Variants in BANP observed in about 807,000 individuals in gnomAD.
BANP encodes the protein protein BANP.
A neutral mutation model predicts 68.1 loss-of-function variants in BANP; 11 were observed. That is an observed-to-expected ratio of 0.16 (90% CI 0.10 to 0.27). The LOEUF (loss-of-function observed/expected upper bound fraction) is 0.27. Ranked by LOEUF, BANP falls within the 10% of genes least tolerant of loss-of-function variation. The pLI is 1.00. For missense variants in BANP, 504 were observed against 722.7 expected, an observed-to-expected ratio of 0.70 and a Z score of 3.47; for synonymous variants, 329 against 303.2, an observed-to-expected ratio of 1.09 and a Z score of -0.88.
intron 2 of BANP, chr16:87,978,779 C>A: frequency 2.5e-6 from 1 of 401,790 alleles, no homozygotes. Context: ...TCAGCCTTAA[C>A]ACGCTAAGTG....
chr16:88,041,540 T>A (rs1244774498), intron 11 of BANP, among the ~76,000 whole-genome samples: 2 of 152,246 alleles, frequency 1.3e-5, no homozygotes, highest in Non-Finnish European at 1.5e-5. Context: ...CAGTTTCATG[T>A]CCATAGCAGC....
At chr16:88,025,197 C>A (rs2076751460) in intron 7 of BANP, among the ~76,000 whole-genome samples, 1 of 152,178 alleles carries the variant, frequency 6.6e-6, no homozygotes. Context: ...TAGCTGGGCT[C>A]TCATGAAACT....
intron 12 of BANP, among the ~76,000 whole-genome samples, chr16:88,070,273 C>A (rs2089973997): frequency 6.6e-6 from 1 of 152,118 alleles, no homozygotes; most frequent in Non-Finnish European, 1.5e-5. Flanking sequence ...GCCTCTAACC[C>A]TTGTGGTGTT....
intron 12 of BANP, among the ~76,000 whole-genome samples, chr16:88,065,776 A>G (rs2088374440): frequency 6.6e-6 from 1 of 152,114 alleles, no homozygotes; most frequent in Admixed American, 6.5e-5. Context: ...TGGTGGCAGG[A>G]CCAGGTTGCA....
At chr16:88,069,896 C>T (rs1003863467) in intron 12 of BANP, among the ~76,000 whole-genome samples, 3 of 152,062 alleles carry the variant, frequency 2.0e-5, no homozygotes, top group African/African-American at 7.2e-5. Flanking sequence ...CCTCTTCCAC[C>T]TCCTCTGTCT....
intron 1 of BANP, among the ~76,000 whole-genome samples, chr16:87,970,450 C>G (rs903918657): frequency 6.6e-6 from 1 of 152,056 alleles, no homozygotes; most frequent in Admixed American, 6.6e-5. Context: ...GATGACTGTT[C>G]TTTTGTTAGA....
intron 4 of BANP, among the ~76,000 whole-genome samples, chr16:87,999,166 A>G (rs1214268668): frequency 2.1e-5 from 3 of 139,880 alleles, no homozygotes; most frequent in Non-Finnish European, 4.6e-5. Context: ...CTGTCCTTCC[A>G]GACACATCTC....
At chr16:88,031,276 C>G (rs1426812243) in intron 8 of BANP, among the ~76,000 whole-genome samples, 1 of 152,218 alleles carries the variant, frequency 6.6e-6, no homozygotes, top group Admixed American at 6.5e-5. Flanking sequence ...TGTTGAATCT[C>G]CTTTGAATCT....
intron 4 of BANP, among the ~76,000 whole-genome samples, chr16:87,994,102 G>A (rs1186025543): frequency 2.0e-5 from 3 of 149,460 alleles, no homozygotes; most frequent in African/African-American, 2.6e-5. Context: ...GATGCGGAGC[G>A]CGGCGGTGTG....
At chr16:87,990,508 A>G (rs1598182469) in intron 4 of BANP, among the ~76,000 whole-genome samples, 2 of 152,198 alleles carry the variant, frequency 1.3e-5, no homozygotes, top group South Asian at 4.1e-4. Flanking sequence ...TGGCCAGGGT[A>G]AACCAGTTTT....
intron 8 of BANP, among the ~76,000 whole-genome samples, chr16:88,027,987 C>G (rs2077339552): frequency 6.6e-6 from 1 of 152,214 alleles, no homozygotes; most frequent in Non-Finnish European, 1.5e-5. Flanking sequence ...CCGGGTGACT[C>G]CGGGTGAAGA....
At chr16:87,965,036 G>C (rs182957830) in intron 1 of BANP, among the ~76,000 whole-genome samples, 1 of 152,200 alleles carries the variant, frequency 6.6e-6, no homozygotes, top group Non-Finnish European at 1.5e-5. Flanking sequence ...TTGGCGTGGA[G>C]ATGTATCTGA....
intron 7 of BANP, among the ~76,000 whole-genome samples, chr16:88,025,082 T>C (rs2076733054): frequency 6.6e-6 from 1 of 152,224 alleles, no homozygotes; most frequent in Non-Finnish European, 1.5e-5. Flanking sequence ...AGGATGTTTC[T>C]TTTTATCGAC....
chr16:88,056,920 G>A (rs779177398), intron 11 of BANP, among the ~76,000 whole-genome samples: 5 of 152,176 alleles, frequency 3.3e-5, no homozygotes, highest in Non-Finnish European at 5.9e-5. Flanking sequence ...TCTTGTTTGA[G>A]CCATTTAAAA....
Position 88,064,426 on chromosome 16 carries a change from A to T in BANP, c.1312-841A>T, listed in dbSNP as rs1167299512. On this transcript the variant is annotated intron_variant, in intron 11 of 13. Transcript: ENST00000682872. The surrounding 1 kb of genome is among the most constrained non-coding windows in gnomAD (Gnocchi z 4.5). ...AGAGTGGCTTTTATTTGGAGGACAG[A>T]TGTGCGCATTCACTTAGGGTCCAAG... is the stretch of plus-strand genomic sequence containing the variant. Among the ~76,000 whole-genome samples the T allele has an allele frequency of 4.6e-5, 7 of 152,196 alleles. No individual in the cohort carries two copies. Among genetic ancestry groups the T allele is most frequent in the Non-Finnish European group, 8.8e-5 (6 of 68,028 alleles).
chr16:87,962,037 C>T (rs1235797714), intron 1 of BANP, among the ~76,000 whole-genome samples: 1 of 151,956 alleles, frequency 6.6e-6, no homozygotes, highest in Non-Finnish European at 1.5e-5. Context: ...ATCTGGAGTT[C>T]AAGACCAGCC....
intron 8 of BANP, among the ~76,000 whole-genome samples, chr16:88,029,576 A>G (rs575357470): frequency 2.0e-5 from 3 of 148,186 alleles, no homozygotes; most frequent in East Asian, 2.0e-4. Context: ...ACACCACTGC[A>G]CTCCAGCCTG....
chr16:87,988,517 G>C (rs1354476654), intron 4 of BANP, among the ~76,000 whole-genome samples: 1 of 151,886 alleles, frequency 6.6e-6, no homozygotes, highest in South Asian at 2.1e-4. Flanking sequence ...CACCCGCCTC[G>C]GCCTCCCAAA....
intron 11 of BANP, among the ~76,000 whole-genome samples, chr16:88,040,044 C>A (rs893453064): frequency 9.2e-5 from 14 of 152,182 alleles, no homozygotes. Flanking sequence ...TTCCTATTAT[C>A]GGTCACATTT....
Sources: allele counts gnomAD v4.1 joint callset (sites outside exome capture counted in the v4.1 genomes callset), GRCh38; gene constraint gnomAD v4.1.1; non-coding constraint Gnocchi (gnomAD v3.1); transcripts MANE v1.5; gene names NCBI Gene and HGNC (gene_info 2026-07-23, HGNC 2026-07-21).